Variants in DPP6 observed in about 807,000 individuals in gnomAD.
DPP6 encodes the protein dipeptidyl peptidase like 6, also known as A-type potassium channel modulatory protein DPP6.
DPP6 carries 69 observed loss-of-function variants against 122.6 expected under a neutral mutation model. The ratio of observed to expected loss-of-function variants is 0.56; its 90% CI spans 0.46 to 0.69. The LOEUF (loss-of-function observed/expected upper bound fraction) is 0.69. Ranked by LOEUF, DPP6 falls within the 30% of genes least tolerant of loss-of-function variation. The pLI is 0.00. For missense variants in DPP6, 928 were observed against 1,116.9 expected, an observed-to-expected ratio of 0.83 and a Z score of 2.41; for synonymous variants, 418 against 433.1, an observed-to-expected ratio of 0.97 and a Z score of 0.43.
Position 154,403,577 on chromosome 7 carries a change from A to G in DPP6, c.244-42637A>G, listed in dbSNP as rs1815827757. Among the ~76,000 whole-genome samples, 2 of 152,224 alleles carry G rather than the reference A, an allele frequency of 1.3e-5. No individual in the cohort carries two copies. The highest frequency in any genetic ancestry group is 1.3e-4 in the Admixed American group (2 of 15,288). On this transcript the variant is annotated intron_variant, in intron 1 of 25. Transcript: ENST00000377770. This position sits in a 1 kb window ranked among gnomAD's most constrained non-coding sequence, Gnocchi z 4.1. ...ACTCTGGGCTGGGAAAGCAAAGAGCACTGGGCAATCACGCCTTTCTCTGCT... is the reference window on the plus strand; with the variant it reads ...ACTCTGGGCTGGGAAAGCAAAGAGCGCTGGGCAATCACGCCTTTCTCTGCT...
At chr7:154,838,383 C>T (rs556259716) in intron 16 of DPP6, 25 of 152,312 alleles carry the variant, frequency 1.6e-4, no homozygotes, top group South Asian at 1.2e-3. Flanking sequence ...TCTGGGGACT[C>T]GCTTTGAAGA....
intron 1 of DPP6, among the ~76,000 whole-genome samples, chr7:154,012,528 A>G (rs920190291): frequency 7.2e-5 from 11 of 152,202 alleles, no homozygotes; most frequent in Non-Finnish European, 1.6e-4. Flanking sequence ...TGAAAAGACA[A>G]TTCATAGAAT....
At chr7:154,184,405 C>T (rs1798250271) in intron 1 of DPP6, among the ~76,000 whole-genome samples, 1 of 151,906 alleles carries the variant, frequency 6.6e-6, no homozygotes, top group Admixed American at 6.6e-5. Flanking sequence ...ATTGGTTACT[C>T]TGTGCTGCAC....
rs931890910 is a variant in DPP6, at chr7:154,277,428, G to C, written c.244-168786G>C. On this transcript the variant is annotated intron_variant, in intron 1 of 25. Coordinates refer to ENST00000377770, the MANE Select transcript of DPP6 (RefSeq NM_130797.4). The stretch of plus-strand genomic sequence containing the variant: ...CGTACACAAATAGAAGGAACAATTA[G>C]CTTGGGAAGATCTGCCTGTTTATTT... 7.9e-5 allele frequency among the ~76,000 whole-genome samples: 12 copies of C among 152,324 alleles called. No homozygotes were observed. In the South Asian group the frequency reaches 1.0e-3, roughly 13 times the overall value.
chr7:154,835,609 C>G (rs1287602658), intron 16 of DPP6, among the ~76,000 whole-genome samples: 1 of 152,192 alleles, frequency 6.6e-6, no homozygotes, highest in East Asian at 1.9e-4. Context: ...TTGTTAGAGA[C>G]ACACATTCTC....
chr7:154,024,184 C>G (rs1267596535), intron 1 of DPP6, among the ~76,000 whole-genome samples: 1 of 152,198 alleles, frequency 6.6e-6, no homozygotes, highest in African/African-American at 2.4e-5. Context: ...AATTAAACGA[C>G]TAAACCTGGC....
intron 1 of DPP6, among the ~76,000 whole-genome samples, chr7:154,159,988 A>C (rs1327375825): frequency 6.6e-6 from 1 of 152,234 alleles, no homozygotes; most frequent in African/African-American, 2.4e-5. Context: ...ACATGCCTTT[A>C]GTACCCCCCT....
intron 16 of DPP6, among the ~76,000 whole-genome samples, chr7:154,831,336 A>G (rs952467821): frequency 2.6e-5 from 4 of 152,200 alleles, no homozygotes; most frequent in Non-Finnish European, 4.4e-5. Flanking sequence ...GCTGTGGTAG[A>G]GACCCTCCCT....
At chr7:153,974,232 G>A (rs1796181642) in intron 1 of DPP6, among the ~76,000 whole-genome samples, 1 of 152,098 alleles carries the variant, frequency 6.6e-6, no homozygotes, top group Non-Finnish European at 1.5e-5. Flanking sequence ...TGCACCTTTT[G>A]TAGTAACTTT....
intron 1 of DPP6, among the ~76,000 whole-genome samples, chr7:154,374,619 C>CTTTTTCTTTTTTTCTT (rs1554530645): frequency 2.2e-5 from 1 of 44,812 alleles, no homozygotes; most frequent in African/African-American, 4.6e-5. Flanking sequence ...TTCTTTTTTT[C>CTTTTTCTTTTTTTCTT]TTTTTTTTTG....
intron 1 of DPP6, among the ~76,000 whole-genome samples, chr7:153,994,894 C>A (rs1013353002): frequency 2.0e-5 from 3 of 152,116 alleles, no homozygotes; most frequent in African/African-American, 7.2e-5. Flanking sequence ...TTTTTATTTG[C>A]CCTAAGCAGA....
chr7:154,614,228 T>C (rs1478461858), intron 5 of DPP6, among the ~76,000 whole-genome samples: 2 of 152,274 alleles, frequency 1.3e-5, no homozygotes, highest in African/African-American at 2.4e-5. Flanking sequence ...AGGGTTAGCT[T>C]GCGTTAGCTT....
chr7:154,825,731 A>G (rs755275430), intron 16 of DPP6, among the ~76,000 whole-genome samples: 3 of 152,150 alleles, frequency 2.0e-5, no homozygotes, highest in Non-Finnish European at 4.4e-5. Flanking sequence ...CATTCTTCTC[A>G]TTCATATTCT....
the DPP6 span, among the ~76,000 whole-genome samples, chr7:153,748,425 G>T: frequency 2.5e-5 from 1 of 40,606 alleles, no homozygotes; most frequent in South Asian, 1.1e-3. Flanking sequence ...GGGTGAGGGG[G>T]GTGTGGAAAG....
chr7:154,379,040 G>A lies in DPP6; in HGVS notation c.244-67174G>A, dbSNP rs1329803049. ...TTGGGTGGGAACACAGAGCCAAAACGATTCACCTCTCAAAGGCTCCACCTC... is the reference window on the plus strand; with the variant it reads ...TTGGGTGGGAACACAGAGCCAAAACAATTCACCTCTCAAAGGCTCCACCTC... On this transcript the variant is annotated intron_variant, in intron 1 of 25. Coordinates refer to ENST00000377770, the MANE Select transcript of DPP6 (RefSeq NM_130797.4). Among the ~76,000 whole-genome samples, 5 of 152,088 alleles carry A rather than the reference G, an allele frequency of 3.3e-5. 1 individual carries two copies. Among genetic ancestry groups the A allele is most frequent in the Admixed American group, 6.6e-5 (1 of 15,266 alleles).
intron 7 of DPP6, among the ~76,000 whole-genome samples, chr7:154,697,290 G>A (rs569524366): frequency 3.9e-5 from 6 of 152,290 alleles, no homozygotes; most frequent in Admixed American, 1.3e-4. Context: ...AACCCAGGCC[G>A]CCATGACCGG....
At chr7:154,224,690 T>G (rs747013470) in intron 1 of DPP6, among the ~76,000 whole-genome samples, 12 of 149,482 alleles carry the variant, frequency 8.0e-5, no homozygotes, top group Non-Finnish European at 1.8e-4. Context: ...CTGTCCCCAA[T>G]GTATAGAGTT....
intron 1 of DPP6, among the ~76,000 whole-genome samples, chr7:154,361,271 T>TAACA (rs144956536): frequency 0.021 from 3,188 of 152,282 alleles, 123 homozygotes; most frequent in African/African-American, 0.073. Flanking sequence ...AGAAGCTGAC[T>TAACA]AACAGCACAC....
intron 1 of DPP6, among the ~76,000 whole-genome samples, chr7:154,331,055 G>A (rs1808886081): frequency 6.6e-6 from 1 of 152,188 alleles, no homozygotes; most frequent in East Asian, 1.9e-4. Flanking sequence ...GATTGCTGGT[G>A]GCAGTCATCT....
Sources: allele counts gnomAD v4.1 joint callset (sites outside exome capture counted in the v4.1 genomes callset), GRCh38; gene constraint gnomAD v4.1.1; non-coding constraint Gnocchi (gnomAD v3.1); transcripts MANE v1.5; gene names NCBI Gene and HGNC (gene_info 2026-07-23, HGNC 2026-07-21).